The following SMG6 variants were observed in gnomAD, a reference collection of about 807,000 sequenced individuals.
The protein encoded by SMG6 is SMG6 nonsense mediated mRNA decay factor, also known as telomerase-binding protein EST1A.
SMG6 carries 66 observed loss-of-function variants against 142.2 expected under a neutral mutation model. The observed-to-expected ratio is 0.46, with a 90% CI of 0.38 to 0.57. SMG6 has a LOEUF of 0.57. Ranked by LOEUF, SMG6 falls within the 20% of genes least tolerant of loss-of-function variation. The pLI is 0.00. For synonymous variants in SMG6, 779 were observed against 702.4 expected (o/e 1.11, Z -1.72); for missense variants, 1,793 against 1,832.0 (o/e 0.98, Z 0.39).
intron 8 of SMG6, among the ~76,000 whole-genome samples, chr17:2,249,600 A>G (rs2074003151): frequency 6.6e-6 from 1 of 152,212 alleles, no homozygotes; most frequent in Admixed American, 6.5e-5. Flanking sequence ...CTCAGATCAC[A>G]GGCGTGAGCC....
At chr17:2,295,472 A>C (rs1292208072) in intron 4 of SMG6, among the ~76,000 whole-genome samples, 1 of 152,200 alleles carries the variant, frequency 6.6e-6, no homozygotes, top group Non-Finnish European at 1.5e-5. Context: ...ACTCTCTGGC[A>C]ATCTCTACTG....
intron 13 of SMG6, chr17:2,122,537 A>G (rs936844156): frequency 2.0e-5 from 3 of 152,240 alleles, no homozygotes; most frequent in Non-Finnish European, 2.9e-5. Flanking sequence ...TCTAAAGGCT[A>G]GAAAGGTTTA....
At chr17:2,256,334 A>C (rs1289639256) in intron 8 of SMG6, among the ~76,000 whole-genome samples, 1 of 152,066 alleles carries the variant, frequency 6.6e-6, no homozygotes, top group Non-Finnish European at 1.5e-5. Context: ...GGAAACACAG[A>C]GGGAGGGAAG....
At chr17:2,298,154 G>C in intron 2 of SMG6, 99 bp from the exon 3 acceptor site, 3 of 1,127,682 alleles carry the variant, frequency 2.7e-6, no homozygotes, top group Middle Eastern at 6.0e-4. Context: ...TCCCCTGGCA[G>C]GAAATAAAAA....
chr17:2,111,764 T>G (rs56401109), intron 13 of SMG6, among the ~76,000 whole-genome samples: 1,834 of 152,252 alleles, frequency 0.012, 25 homozygotes, highest in Middle Eastern at 0.02. Context: ...GTTCCTTCTC[T>G]GATCGAAGGG....
intron 10 of SMG6, among the ~76,000 whole-genome samples, chr17:2,204,944 C>G (rs886648419): frequency 2.6e-5 from 4 of 152,192 alleles, no homozygotes; most frequent in African/African-American, 9.7e-5. Context: ...GCCTGGGCAA[C>G]AGAGTAAAAC....
intron 9 of SMG6, chr17:2,237,388 G>A (rs2073692769): frequency 6.3e-6 from 3 of 472,936 alleles, no homozygotes; most frequent in African/African-American, 4.2e-5. Flanking sequence ...TTACCCAAGC[G>A]TTTACTTTAG....
chr17:2,288,412 G>A (rs1197122045), intron 6 of SMG6, among the ~76,000 whole-genome samples: 1 of 151,852 alleles, frequency 6.6e-6, no homozygotes, highest in African/African-American at 2.4e-5. Context: ...TTGAAGTCAG[G>A]AGTTCAAGAC....
Position 2,265,466 on chromosome 17 carries a change from C to T in SMG6, c.2661+17181G>A, listed in dbSNP as rs189470260. Among the ~76,000 whole-genome samples the T allele has an allele frequency of 2.2e-4, 34 of 151,920 alleles. No homozygotes were observed. In the East Asian group the frequency reaches 6.0e-3, roughly 27 times the overall value. Reference sequence around the variant, plus strand: ...CGGAGGTTGCAGTGAGCTGAGATTGCGCCACTGCACTCCAGCCTGGACAAC... The same window carrying T: ...CGGAGGTTGCAGTGAGCTGAGATTGTGCCACTGCACTCCAGCCTGGACAAC... On this transcript the variant is annotated intron_variant, in intron 8 of 18. Transcript: ENST00000263073.
At chr17:2,144,004 T>C (rs559612660) in intron 13 of SMG6, among the ~76,000 whole-genome samples, 2 of 150,556 alleles carry the variant, frequency 1.3e-5, no homozygotes, top group Non-Finnish European at 2.9e-5. Flanking sequence ...CCTCCCCACT[T>C]AGCCTCCCAA....
intron 13 of SMG6, among the ~76,000 whole-genome samples, chr17:2,134,319 G>C (rs548000229): frequency 6.7e-6 from 1 of 148,914 alleles, no homozygotes; most frequent in African/African-American, 2.5e-5. Flanking sequence ...TTGGGAGGCC[G>C]AGGCAGGCGA....
intron 8 of SMG6, among the ~76,000 whole-genome samples, chr17:2,250,623 G>T (rs1199801178): frequency 4.6e-5 from 7 of 151,962 alleles, no homozygotes; most frequent in Non-Finnish European, 1.0e-4. Context: ...GGGCTCAAGC[G>T]ATCCTCTGCC....
At chr17:2,270,545 C>T (rs558385101) in intron 8 of SMG6, among the ~76,000 whole-genome samples, 1 of 152,190 alleles carries the variant, frequency 6.6e-6, no homozygotes, top group South Asian at 2.1e-4. Flanking sequence ...GAGATGGAGG[C>T]TTCAGTGAGC....
chr17:2,198,948 A>AT (rs1253044611), intron 10 of SMG6, among the ~76,000 whole-genome samples: 9 of 121,190 alleles, frequency 7.4e-5, no homozygotes, highest in African/African-American at 1.1e-4. Context: ...ATAAAATAAA[A>AT]TTAAAAAAAA....
intron 13 of SMG6, among the ~76,000 whole-genome samples, chr17:2,102,613 A>G (rs1487499134): frequency 7.1e-6 from 1 of 141,184 alleles, no homozygotes; most frequent in Non-Finnish European, 1.5e-5. Context: ...TCAAGTGATC[A>G]TCCTGCCTCA....
intron 13 of SMG6, among the ~76,000 whole-genome samples, chr17:2,118,778 G>A (rs2069587948): frequency 1.3e-5 from 2 of 151,968 alleles, no homozygotes; most frequent in African/African-American, 2.4e-5. Context: ...TGTAGTCATG[G>A]GGGTCTCACT....
intron 15 of SMG6, among the ~76,000 whole-genome samples, chr17:2,069,528 G>A (rs370403626): frequency 3.3e-5 from 5 of 150,882 alleles, no homozygotes; most frequent in South Asian, 2.1e-4. Flanking sequence ...CTCTGGAGGC[G>A]GAGGCTGCAG....
intron 13 of SMG6, among the ~76,000 whole-genome samples, chr17:2,092,648 C>G (rs906714492): frequency 1.1e-4 from 17 of 152,166 alleles, no homozygotes; most frequent in African/African-American, 3.9e-4. Context: ...GATGTTCACA[C>G]TGAAGGGAGA....
At chr17:2,188,323 A>G (rs2151692043) in intron 11 of SMG6, 76 bp downstream of exon 11, 1 of 1,187,854 alleles carries the variant, frequency 8.4e-7, no homozygotes, top group South Asian at 1.3e-5. Context: ...CACCGAGAAA[A>G]CAGCATGGCA....
Sources: gnomAD v4.1 joint callset for allele counts (sites outside exome capture counted in the v4.1 genomes callset) on GRCh38, gnomAD v4.1.1 for gene constraint, MANE v1.5 for transcripts, NCBI Gene and HGNC (gene_info 2026-07-23, HGNC 2026-07-21) for gene names.